Variants in TTC6 observed in about 807,000 individuals in gnomAD.
TTC6 encodes tetratricopeptide repeat domain 6, also known as tetratricopeptide repeat protein 6.
In TTC6, 172 loss-of-function variants were observed where a neutral mutation model predicts 210.4. The observed-to-expected ratio is 0.82, with a 90% CI of 0.72 to 0.93. The LOEUF is 0.93. Ranked by LOEUF, TTC6 falls within the 40% of genes least tolerant of loss-of-function variation. The probability of loss-of-function intolerance (pLI) is 0.00; values close to 1 mark genes in which losing one functional copy is unlikely to be tolerated. For missense variants in TTC6, 2,414 were observed against 2,318.1 expected (o/e 1.04, Z -0.85); for synonymous variants, 804 against 819.6 (o/e 0.98, Z 0.32).
rs190096769 is a variant in TTC6, at chr14:37,740,602, G to A, written c.2363+1447G>A. Among the ~76,000 whole-genome samples, 835 of 152,292 alleles carry A rather than the reference G, an allele frequency of 5.5e-3. 7 individuals are homozygous for A. The highest frequency in any genetic ancestry group is 0.02 in the African/African-American group (817 of 41,566). On this transcript the variant is annotated intron_variant, in intron 10 of 30. Transcript: ENST00000553443. ...CTGGGGCATAGTACTTCATAAGTGT[G>A]AATGACAGAGTGGAACAGAGGCCAA...
intron 1 of TTC6, among the ~76,000 whole-genome samples, chr14:37,600,350 G>A (rs1000725688): frequency 6.6e-6 from 1 of 152,162 alleles, no homozygotes; most frequent in Non-Finnish European, 1.5e-5. Flanking sequence ...GAGCAGTGAT[G>A]GAAGCCGAGG....
exon 1 of TTC6, chr14:37,595,866 A>G (rs1215446103): frequency 6.6e-6 from 1 of 152,084 alleles, no homozygotes; most frequent in South Asian, 2.1e-4. Context: ...CAGACTAGAA[A>G]AGGGAAAAAG....
At chr14:37,696,919 G>T in intron 4 of TTC6, 84 bp downstream of exon 6, 1 of 578,946 alleles carries the variant, frequency 1.7e-6, no homozygotes, top group Non-Finnish European at 2.6e-6. Context: ...TTTTAAAAAA[G>T]AAAACTAAAT....
chr14:37,740,740 A>G (rs1349947869), intron 10 of TTC6, among the ~76,000 whole-genome samples: 1 of 152,190 alleles, frequency 6.6e-6, no homozygotes, highest in Non-Finnish European at 1.5e-5. Context: ...CATTTGTAGG[A>G]GACTGCAAGT....
intron 12 of TTC6, 35 bp from the exon 15 acceptor site, chr14:37,751,018 A>G: frequency 7.0e-7 from 1 of 1,425,124 alleles, no homozygotes; most frequent in Non-Finnish European, 9.4e-7. Flanking sequence ...TGAAAGGATT[A>G]TAACTCCAAA....
intron 1 of TTC6, among the ~76,000 whole-genome samples, chr14:37,677,988 A>G (rs187209889): frequency 1.2e-3 from 183 of 152,160 alleles, no homozygotes; most frequent in African/African-American, 4.0e-3. Context: ...TAATTCTGAA[A>G]TGTATATCAT....
chr14:37,824,040 A>G lies in TTC6; in HGVS notation c.4974+83A>G, dbSNP rs1237702604. The G allele has an allele frequency of 5.7e-6, 7 of 1,235,298 alleles. No homozygotes were observed. In the African/African-American group the frequency reaches 9.1e-5, roughly 16 times the overall value. The allele number at this position is 1,235,298 out of a possible 1,614,324, so 76.5% of individuals were successfully genotyped here. On this transcript the variant is annotated intron_variant, in intron 27 of 30. Coordinates refer to ENST00000553443, the Ensembl canonical transcript of TTC6. ...GGCTCTTTCCTGGCAATGGGAGTAT[A>G]TGTTATTTCTTTGGTTATGAACATT...
rs567855350 is a variant in TTC6, at chr14:37,633,605, C to G, written c.939+10602C>G. 3.3e-5 allele frequency among the ~76,000 whole-genome samples: 5 copies of G among 152,314 alleles called. No individual in the cohort carries two copies. In the East Asian group the frequency reaches 9.6e-4, roughly 29 times the overall value. ...CAGCAGGTATTTCTTTATAGCAACA[C>G]AAGAACAGCCTAATACAATTTCCAG... On this transcript the variant is annotated intron_variant, in intron 1 of 30. Transcript: ENST00000553443.
intron 20 of TTC6, among the ~76,000 whole-genome samples, chr14:37,802,677 G>A (rs540857058): frequency 1.3e-5 from 2 of 152,054 alleles, no homozygotes; most frequent in East Asian, 3.9e-4. Flanking sequence ...ATAGAAAAAC[G>A]AATGCACCTC....
intron 5 of TTC6, among the ~76,000 whole-genome samples, chr14:37,706,508 A>T (rs1442573643): frequency 1.3e-5 from 2 of 152,126 alleles, no homozygotes; most frequent in African/African-American, 4.8e-5. Context: ...AAGGATGTTC[A>T]TCATATCACT....
At chr14:37,775,690 A>G (rs1026440016) in intron 14 of TTC6, among the ~76,000 whole-genome samples, 1 of 152,126 alleles carries the variant, frequency 6.6e-6, no homozygotes, top group African/African-American at 2.4e-5. Flanking sequence ...TTTCTGCCTC[A>G]ATGACTTGTT....
At chr14:37,737,970 A>G (rs919998738) in intron 9 of TTC6, among the ~76,000 whole-genome samples, 5 of 152,016 alleles carry the variant, frequency 3.3e-5, no homozygotes, top group Non-Finnish European at 7.4e-5. Context: ...GTATGAAATT[A>G]TTATGTTTGA....
At chr14:37,728,506 T>A (rs2095878336) in intron 7 of TTC6, among the ~76,000 whole-genome samples, 1 of 152,206 alleles carries the variant, frequency 6.6e-6, no homozygotes, top group Non-Finnish European at 1.5e-5. Flanking sequence ...ATTATGAGTT[T>A]TGTCTCTTAC....
intron 20 of TTC6, chr14:37,802,411 T>A (rs1030156523): frequency 2.6e-5 from 4 of 151,116 alleles, no homozygotes; most frequent in African/African-American, 9.8e-5. Context: ...AAAAAAAAAA[T>A]GAAACTGGGG....
At position 37,622,467 on chromosome 14, in the gene TTC6, AAGCCCCC is replaced by A; in HGVS notation, c.406_412del (p.Pro136SerfsTer22). The A allele has an allele frequency of 6.5e-7, 1 of 1,535,112 alleles. No homozygotes were observed. The highest frequency in any genetic ancestry group is 8.7e-7 in the Non-Finnish European group (1 of 1,146,518). On this transcript the variant is annotated frameshift_variant, in exon 1 of 31. Transcript: ENST00000553443. LOFTEE classifies it high-confidence loss of function. ...GTTCCTACGGCACCAGGCCCTGAAA[AAGCCCCC>A]AGTCATCGCCTCGGGGTTCGGCACG...
chr14:37,737,628 T>C (rs1212673209), intron 8 of TTC6, 32 bp from the exon 11 acceptor site: 5 of 1,246,082 alleles, frequency 4.0e-6, no homozygotes, highest in Non-Finnish European at 2.2e-6. Flanking sequence ...TATCTGTGAC[T>C]AATGTATATT....
chr14:37,615,007 A>T (rs2095640416), intron 2 of TTC6, among the ~76,000 whole-genome samples: 1 of 152,166 alleles, frequency 6.6e-6, no homozygotes, highest in African/African-American at 2.4e-5. Context: ...TGGGCCTCCC[A>T]AAGTGCTGGG....
chr14:37,835,055 G>A (rs2096194504), intron 29 of TTC6, among the ~76,000 whole-genome samples: 1 of 152,108 alleles, frequency 6.6e-6, no homozygotes, highest in Non-Finnish European at 1.5e-5. Context: ...CCAGTCCTCA[G>A]GCCCTGAGGT....
At chr14:37,749,070 G>T (rs1298730563) in exon 11 of TTC6, 1 of 1,535,556 alleles carries the variant, frequency 6.5e-7, no homozygotes, top group Non-Finnish European at 8.7e-7. Flanking sequence ...GCTAAGGGAG[G>T]AATTCCAGAA....
Sources: allele counts gnomAD v4.1 joint callset (sites outside exome capture counted in the v4.1 genomes callset), GRCh38; gene constraint gnomAD v4.1.1; transcripts MANE v1.5; gene names NCBI Gene and HGNC (gene_info 2026-07-23, HGNC 2026-07-21).